NIPBL: variants seen among roughly 807,000 people sequenced by gnomAD.
The protein encoded by NIPBL is NIPBL cohesin loading factor.
In NIPBL, 19 loss-of-function variants were observed where a neutral mutation model predicts 321.8. The ratio of observed to expected loss-of-function variants is 0.06; its 90% CI spans 0.04 to 0.09. The LOEUF is 0.09. Among genes scored for constraint, NIPBL ranks in the 10% least tolerant of loss-of-function variants. The pLI, the probability that NIPBL is intolerant of heterozygous loss-of-function variation, is 1.00. For synonymous variants in NIPBL, 1,106 were observed against 1,114.1 expected (o/e 0.99, Z 0.14); for missense variants, 2,210 against 3,327.0 (o/e 0.66, Z 8.26).
intron 5 of NIPBL, 118 bp downstream of exon 5, chr5:36,961,701 C>A: frequency 1.3e-6 from 1 of 771,176 alleles, no homozygotes; most frequent in Non-Finnish European, 2.3e-6. Flanking sequence ...AGTTGAAATA[C>A]TTAAATAGTA....
chr5:37,008,145 C>T (rs1458604063), intron 19 of NIPBL, 57 bp downstream of exon 19: 1 of 1,160,830 alleles, frequency 8.6e-7, no homozygotes, highest in Non-Finnish European at 1.3e-6. Flanking sequence ...ATATTGATGT[C>T]ATTTAATCCA....
At chr5:36,986,926 T>C (rs1464202822) in intron 10 of NIPBL, among the ~76,000 whole-genome samples, 1 of 152,204 alleles carries the variant, frequency 6.6e-6, no homozygotes, top group Non-Finnish European at 1.5e-5. Flanking sequence ...CTGAATTCTC[T>C]GGTTACTTGA....
intron 1 of NIPBL, among the ~76,000 whole-genome samples, chr5:36,911,260 A>C (rs926478852): frequency 6.6e-6 from 1 of 152,214 alleles, no homozygotes; most frequent in Non-Finnish European, 1.5e-5. Context: ...TCCCTTTGAG[A>C]ATCAGTTTTA....
intron 1 of NIPBL, among the ~76,000 whole-genome samples, chr5:36,882,630 A>G (rs1450452134): frequency 5.3e-5 from 8 of 152,026 alleles, no homozygotes; most frequent in African/African-American, 1.9e-4. Flanking sequence ...ATCATGCTTA[A>G]GAAACTTATT....
intron 1 of NIPBL, among the ~76,000 whole-genome samples, chr5:36,953,302 A>C (rs1477503573): frequency 2.6e-5 from 4 of 152,202 alleles, no homozygotes. Context: ...CAGTTAAGAA[A>C]CAAACTCTGG....
intron 1 of NIPBL, among the ~76,000 whole-genome samples, chr5:36,926,283 T>C (rs1749354515): frequency 6.6e-6 from 1 of 152,216 alleles, no homozygotes; most frequent in Admixed American, 6.5e-5. Flanking sequence ...GCCATTTTCC[T>C]ATGTCTCACG....
intron 16 of NIPBL, among the ~76,000 whole-genome samples, chr5:37,005,618 T>C (rs891631451): frequency 5.3e-5 from 8 of 152,202 alleles, no homozygotes; most frequent in Non-Finnish European, 1.0e-4. Context: ...CTGTCTGCTT[T>C]ACATATTATA....
chr5:36,890,611 T>G (rs1007776750), intron 1 of NIPBL, among the ~76,000 whole-genome samples: 1 of 152,214 alleles, frequency 6.6e-6, no homozygotes, highest in African/African-American at 2.4e-5. Flanking sequence ...TATAGTAAAA[T>G]TAGCATGGGA....
intron 40 of NIPBL, among the ~76,000 whole-genome samples, chr5:37,050,682 A>G (rs1039793690): frequency 6.6e-6 from 1 of 152,170 alleles, no homozygotes; most frequent in African/African-American, 2.4e-5. Context: ...ACACTTCAGC[A>G]TATATTTTCT....
At chr5:36,991,751 T>TG (rs1176989541) in intron 10 of NIPBL, among the ~76,000 whole-genome samples, 2 of 151,608 alleles carry the variant, frequency 1.3e-5, no homozygotes, top group Admixed American at 6.6e-5. Flanking sequence ...CCAAGTTTTT[T>TG]TTTTTTTTTT....
intron 11 of NIPBL, chr5:36,997,125 G>T (rs1372784536): frequency 1.3e-5 from 2 of 152,116 alleles, no homozygotes; most frequent in Non-Finnish European, 1.5e-5. Context: ...TGGGGACGTG[G>T]TTAGCTCTGG....
chr5:36,961,209 A>G (rs1157545427), intron 4 of NIPBL, among the ~76,000 whole-genome samples: 1 of 152,174 alleles, frequency 6.6e-6, no homozygotes, highest in Non-Finnish European at 1.5e-5. Flanking sequence ...TTTCAATTCT[A>G]AGGCTAAATA....
chr5:36,882,951 A>G (rs1580135173), intron 1 of NIPBL, among the ~76,000 whole-genome samples: 1 of 151,920 alleles, frequency 6.6e-6, no homozygotes, highest in South Asian at 2.1e-4. Flanking sequence ...ATATTCAAAT[A>G]TGCATATAAA....
At chr5:36,948,929 A>G (rs549117962) in intron 1 of NIPBL, among the ~76,000 whole-genome samples, 1 of 151,992 alleles carries the variant, frequency 6.6e-6, no homozygotes, top group South Asian at 2.1e-4. Flanking sequence ...GGATGTTTCA[A>G]TCAACCCGTA....
chr5:36,935,956 A>G (rs1324140151), intron 1 of NIPBL, among the ~76,000 whole-genome samples: 1 of 152,100 alleles, frequency 6.6e-6, no homozygotes, highest in East Asian at 1.9e-4. Flanking sequence ...TTTAGGGACC[A>G]TCCAAAATGA....
chr5:36,969,211 T>C, intron 6 of NIPBL, among the ~76,000 whole-genome samples: 1 of 152,032 alleles, frequency 6.6e-6, no homozygotes, highest in Non-Finnish European at 1.5e-5. Flanking sequence ...CTCAATAGGG[T>C]AAAGATTATT....
chr5:37,063,958 AGAGGAG>A lies in NIPBL; in HGVS notation c.8034_8039del (p.Gly2679_Gly2680del). 1 of 1,614,096 alleles carries A rather than the reference AGAGGAG, an allele frequency of 6.2e-7. No homozygotes were observed. The highest frequency in any genetic ancestry group is 1.1e-5 in the South Asian group (1 of 91,032). On this transcript the variant is annotated inframe_deletion, in exon 46 of 47. Transcript: ENST00000282516. Reference sequence around the variant, plus strand: ...AGATGATGAAAGTGATGGGGAGGATAGAGGAGGAGGCACTTCAGGGGTGAGGCGGAG... The same window carrying A: ...AGATGATGAAAGTGATGGGGAGGATAGAGGCACTTCAGGGGTGAGGCGGAG...
intron 1 of NIPBL, among the ~76,000 whole-genome samples, chr5:36,946,159 T>C (rs754853876): frequency 6.6e-6 from 1 of 152,080 alleles, no homozygotes; most frequent in Non-Finnish European, 1.5e-5. Flanking sequence ...CCCAGAAATC[T>C]TGCTCCTCTT....
chr5:36,918,803 T>C (rs997526828), intron 1 of NIPBL, among the ~76,000 whole-genome samples: 1 of 152,198 alleles, frequency 6.6e-6, no homozygotes, highest in Non-Finnish European at 1.5e-5. Flanking sequence ...TTGTCTTTGG[T>C]TCTGTTTATA....
Sources: gnomAD v4.1 joint callset for allele counts (sites outside exome capture counted in the v4.1 genomes callset) on GRCh38, gnomAD v4.1.1 for gene constraint, MANE v1.5 for transcripts, NCBI Gene and HGNC (gene_info 2026-07-23, HGNC 2026-07-21) for gene names.